The following MYO1D variants were observed in gnomAD, a reference collection of about 807,000 sequenced individuals.
MYO1D encodes the protein myosin ID, also known as unconventional myosin-Id.
A neutral mutation model predicts 122.0 loss-of-function variants in MYO1D; 83 were observed. The observed-to-expected ratio is 0.68, with a 90% CI of 0.57 to 0.82. The LOEUF is 0.82. MYO1D is among the 40% of genes least tolerant of loss of function. MYO1D has a pLI of 0.00. For synonymous variants in MYO1D, 464 were observed against 446.9 expected, an observed-to-expected ratio of 1.04 and a Z score of -0.48; for missense variants, 1,157 against 1,269.5, an observed-to-expected ratio of 0.91 and a Z score of 1.35.
intron 1 of MYO1D, among the ~76,000 whole-genome samples, chr17:32,842,365 G>C (rs2090891082): frequency 6.6e-6 from 1 of 152,154 alleles, no homozygotes; most frequent in South Asian, 2.1e-4. Context: ...GTTAATCCCA[G>C]CAGTGCCCAG....
intron 1 of MYO1D, among the ~76,000 whole-genome samples, chr17:32,810,316 A>G (rs1326371678): frequency 6.6e-6 from 1 of 152,168 alleles, no homozygotes; most frequent in Non-Finnish European, 1.5e-5. Flanking sequence ...TGAAGTTCAG[A>G]GTTCACAGAC....
chr17:32,813,682 T>A (rs2090590877), intron 1 of MYO1D, among the ~76,000 whole-genome samples: 1 of 152,126 alleles, frequency 6.6e-6, no homozygotes, highest in Admixed American at 6.5e-5. Context: ...GAGAATTAAT[T>A]GCTGATGATG....
intron 16 of MYO1D, among the ~76,000 whole-genome samples, chr17:32,680,566 T>G (rs2088899049): frequency 8.0e-6 from 1 of 125,742 alleles, no homozygotes; most frequent in African/African-American, 3.1e-5. Context: ...ATTACATTTA[T>G]TGATTTGCGT....
At chr17:32,745,041 T>C (rs1200160922) in intron 13 of MYO1D, among the ~76,000 whole-genome samples, 170 bp downstream of exon 13, 3 of 152,204 alleles carry the variant, frequency 2.0e-5, no homozygotes, top group Non-Finnish European at 4.4e-5. Flanking sequence ...CTGCCCAAAA[T>C]TTATAGATTT....
At chr17:32,632,602 C>A (rs934190934) in intron 20 of MYO1D, 1 of 149,610 alleles carries the variant, frequency 6.7e-6, no homozygotes, top group Admixed American at 6.7e-5. Context: ...CACACACACA[C>A]ACACACACAC....
intron 20 of MYO1D, among the ~76,000 whole-genome samples, chr17:32,622,457 C>A (rs570459312): frequency 6.6e-6 from 1 of 152,172 alleles, no homozygotes; most frequent in African/African-American, 2.4e-5. Flanking sequence ...GGGAGCCAGA[C>A]TGAAAAGAAC....
At chr17:32,731,325 ACC>A (rs2089636711) in intron 14 of MYO1D, among the ~76,000 whole-genome samples, 1 of 152,120 alleles carries the variant, frequency 6.6e-6, no homozygotes, top group Non-Finnish European at 1.5e-5. Context: ...CTGATGTTAA[ACC>A]TATCCATTGA....
intron 16 of MYO1D, among the ~76,000 whole-genome samples, chr17:32,666,320 G>A (rs532131886): frequency 2.6e-5 from 4 of 152,140 alleles, no homozygotes; most frequent in East Asian, 1.9e-4. Flanking sequence ...TGGGAGTAAC[G>A]ACTCATTTAC....
At chr17:32,565,620 A>G (rs149673422) in intron 21 of MYO1D, among the ~76,000 whole-genome samples, 6 of 152,330 alleles carry the variant, frequency 3.9e-5, no homozygotes, top group African/African-American at 1.4e-4. Context: ...GAACTGAGCT[A>G]GGTCATGGCC....
intron 1 of MYO1D, among the ~76,000 whole-genome samples, chr17:32,837,362 T>C (rs532087735): frequency 9.6e-4 from 145 of 151,590 alleles, no homozygotes; most frequent in South Asian, 2.3e-3. Context: ...AGGACCATAA[T>C]ATATAATAAA....
At chr17:32,674,135 G>A (rs1374395914) in intron 16 of MYO1D, among the ~76,000 whole-genome samples, 2 of 152,162 alleles carry the variant, frequency 1.3e-5, no homozygotes, top group Non-Finnish European at 2.9e-5. Flanking sequence ...ACGTTCTGAC[G>A]AACAGCTCCT....
chr17:32,723,931 A>C (rs1197983099), intron 14 of MYO1D, among the ~76,000 whole-genome samples: 2 of 152,094 alleles, frequency 1.3e-5, no homozygotes, highest in African/African-American at 4.8e-5. Context: ...TTAGATATTA[A>C]ATTTTGGTAT....
chr17:32,509,115 C>T lies in MYO1D; in HGVS notation c.2865-14200G>A, dbSNP rs574975144. ...TTGTTAAGAAGTGAGGCAAGTGAGG[C>T]GGAGCCATCGGTGGGCTGGGGTTGA... On this transcript the variant is annotated intron_variant, in intron 21 of 21. Transcript: ENST00000318217. Among the ~76,000 whole-genome samples, 21 of 152,320 alleles carry T rather than the reference C, an allele frequency of 1.4e-4. 2 individuals carry two copies. The highest frequency in any genetic ancestry group is 2.0e-4 in the Admixed American group (3 of 15,308).
chr17:32,870,830 A>G (rs2091172715), intron 1 of MYO1D, among the ~76,000 whole-genome samples: 1 of 152,178 alleles, frequency 6.6e-6, no homozygotes, highest in South Asian at 2.1e-4. Flanking sequence ...CATGATTTAC[A>G]TTCTTTTTCT....
chr17:32,590,846 A>T (rs1449491745), intron 21 of MYO1D, among the ~76,000 whole-genome samples: 1 of 152,236 alleles, frequency 6.6e-6, no homozygotes, highest in Non-Finnish European at 1.5e-5. Context: ...TCACAGGAAG[A>T]TCTCTGTTTT....
At chr17:32,846,152 A>G (rs1323067116) in intron 1 of MYO1D, among the ~76,000 whole-genome samples, 1 of 152,218 alleles carries the variant, frequency 6.6e-6, no homozygotes, top group East Asian at 1.9e-4. Flanking sequence ...TTTGTCCCAC[A>G]GAGTTCAGGA....
intron 21 of MYO1D, among the ~76,000 whole-genome samples, chr17:32,551,794 A>G (rs1005725901): frequency 6.6e-6 from 1 of 152,218 alleles, no homozygotes; most frequent in Admixed American, 6.5e-5. Flanking sequence ...AACACCGTCT[A>G]TATCTTGCTC....
chr17:32,625,289 G>A (rs1240156586), intron 20 of MYO1D, among the ~76,000 whole-genome samples: 7 of 152,206 alleles, frequency 4.6e-5, no homozygotes, highest in Non-Finnish European at 1.0e-4. Context: ...AAATGAGAGA[G>A]AGAGAGAGAG....
At chr17:32,623,158 C>T (rs1376523195) in intron 20 of MYO1D, among the ~76,000 whole-genome samples, 1 of 152,200 alleles carries the variant, frequency 6.6e-6, no homozygotes, top group African/African-American at 2.4e-5. Flanking sequence ...GACCCTGAGC[C>T]TGTCAACTTT....
Sources: gnomAD v4.1 joint callset for allele counts (sites outside exome capture counted in the v4.1 genomes callset) on GRCh38, gnomAD v4.1.1 for gene constraint, MANE v1.5 for transcripts, NCBI Gene and HGNC (gene_info 2026-07-23, HGNC 2026-07-21) for gene names.